TUSC3: variants seen among roughly 807,000 people sequenced by gnomAD.
The protein encoded by TUSC3 is dolichyl-diphosphooligosaccharide--protein glycosyltransferase subunit TUSC3.
In TUSC3, 45 loss-of-function variants were observed where a neutral mutation model predicts 44.8. The ratio of observed to expected loss-of-function variants is 1.00; its 90% CI spans 0.79 to 1.29. The LOEUF (loss-of-function observed/expected upper bound fraction) is 1.29, where lower values mean the gene tolerates loss of function less well. Among genes scored for constraint, TUSC3 ranks in the 50% most tolerant of loss-of-function variants. The probability of loss-of-function intolerance (pLI) is 0.00; values close to 1 mark genes in which losing one functional copy is unlikely to be tolerated. For missense variants in TUSC3, 519 were observed against 437.9 expected (o/e 1.19, Z -1.65); for synonymous variants, 212 against 152.9 (o/e 1.39, Z -2.85).
chr8:15,741,753 G>A (rs1811207938), intron 7 of TUSC3, among the ~76,000 whole-genome samples: 1 of 152,056 alleles, frequency 6.6e-6, no homozygotes, highest in Non-Finnish European at 1.5e-5. Flanking sequence ...TGAATTATTA[G>A]TTTAAATATG....
intron 1 of TUSC3, among the ~76,000 whole-genome samples, chr8:15,585,358 C>T (rs1274167431): frequency 1.3e-5 from 2 of 152,150 alleles, no homozygotes; most frequent in Non-Finnish European, 2.9e-5. Context: ...GTTTCTTATT[C>T]TGAGGTATCA....
At chr8:15,425,381 A>C (rs1053257622) in intron 1 of TUSC3, among the ~76,000 whole-genome samples, 6 of 152,230 alleles carry the variant, frequency 3.9e-5, no homozygotes, top group Admixed American at 1.3e-4. Context: ...ATGGATATGC[A>C]ACAAAGTGAC....
intron 1 of TUSC3, among the ~76,000 whole-genome samples, chr8:15,444,737 T>G (rs1232927923): frequency 6.6e-6 from 1 of 151,620 alleles, no homozygotes; most frequent in African/African-American, 2.4e-5. Context: ...GTTCTCTAAC[T>G]CAGAAATGTA....
chr8:15,603,734 G>C (rs771687714), intron 1 of TUSC3, among the ~76,000 whole-genome samples: 1 of 151,540 alleles, frequency 6.6e-6, no homozygotes, highest in Non-Finnish European at 1.5e-5. Flanking sequence ...GAATGGAATA[G>C]GAAAGTACCT....
chr8:15,563,247 T>TCAGTCA (rs1403091600), intron 1 of TUSC3, among the ~76,000 whole-genome samples: 10 of 152,076 alleles, frequency 6.6e-5, no homozygotes, highest in Admixed American at 6.5e-4. Flanking sequence ...CAGTCAGGGT[T>TCAGTCA]CAGTCACAGA....
intron 1 of TUSC3, among the ~76,000 whole-genome samples, chr8:15,427,348 C>G (rs1386071997): frequency 6.6e-6 from 1 of 151,462 alleles, no homozygotes; most frequent in Non-Finnish European, 1.5e-5. Context: ...AGGCAGCCAT[C>G]AGGTGATGGA....
At chr8:15,563,783 G>A (rs761384400) in intron 1 of TUSC3, among the ~76,000 whole-genome samples, 1 of 150,920 alleles carries the variant, frequency 6.6e-6, no homozygotes, top group Non-Finnish European at 1.5e-5. Context: ...TAAATTGCAT[G>A]ATACTGAGAA....
chr8:15,832,160 A>C, the TUSC3 span, among the ~76,000 whole-genome samples: 1 of 152,198 alleles, frequency 6.6e-6, no homozygotes, highest in Admixed American at 6.5e-5. Context: ...AAATAAAAGA[A>C]ATTCCAACCA....
chr8:15,476,087 T>A (rs930781278), intron 1 of TUSC3, among the ~76,000 whole-genome samples: 3 of 152,190 alleles, frequency 2.0e-5, no homozygotes, highest in Non-Finnish European at 4.4e-5. Context: ...TAACGTGAAC[T>A]TTTTTAACCA....
chr8:15,639,631 A>G (rs1313722561), intron 2 of TUSC3, among the ~76,000 whole-genome samples: 1 of 152,186 alleles, frequency 6.6e-6, no homozygotes, highest in Non-Finnish European at 1.5e-5. Context: ...GTCATAAATT[A>G]CAATTCATCT....
chr8:15,565,739 C>G (rs562478103), intron 1 of TUSC3, among the ~76,000 whole-genome samples: 1 of 152,012 alleles, frequency 6.6e-6, no homozygotes, highest in East Asian at 2.0e-4. Context: ...AAGTCTGATA[C>G]AAAGCTCTTT....
chr8:15,456,711 G>A (rs1310082415), intron 1 of TUSC3, among the ~76,000 whole-genome samples: 1 of 152,066 alleles, frequency 6.6e-6, no homozygotes, highest in East Asian at 1.9e-4. Flanking sequence ...GACAAAATCA[G>A]ATTCCTATCC....
chr8:15,761,264 T>C (rs185619095), intron 10 of TUSC3, among the ~76,000 whole-genome samples: 157 of 152,306 alleles, frequency 1.0e-3, no homozygotes, highest in Middle Eastern at 3.4e-3. Flanking sequence ...TTTTCTACCA[T>C]GAGGGAGTGC....
intron 2 of TUSC3, among the ~76,000 whole-genome samples, chr8:15,488,944 CT>C (rs1397555092): frequency 1.3e-5 from 2 of 152,310 alleles, no homozygotes; most frequent in East Asian, 3.9e-4. Context: ...AGTATGCTGA[CT>C]TTGACCTTCC....
At chr8:15,443,357 TGTGTGTG>T (rs1800046457) in intron 1 of TUSC3, among the ~76,000 whole-genome samples, 1 of 150,904 alleles carries the variant, frequency 6.6e-6, no homozygotes, top group Non-Finnish European at 1.5e-5. Context: ...TGTGTGTGTG[TGTGTGTG>T]TGTGTGTGTG....
At chr8:15,737,025 T>G (rs963780237) in intron 7 of TUSC3, among the ~76,000 whole-genome samples, 1 of 152,186 alleles carries the variant, frequency 6.6e-6, no homozygotes, top group Non-Finnish European at 1.5e-5. Context: ...TTTAAAATTT[T>G]TATTCTTATA....
At chr8:15,668,776 T>C (rs942247208) in intron 5 of TUSC3, among the ~76,000 whole-genome samples, 5 of 151,796 alleles carry the variant, frequency 3.3e-5, no homozygotes, top group African/African-American at 1.2e-4. Context: ...TTGTCTAGTG[T>C]CACTTTTGTC....
At chr8:15,432,351 T>G (rs897805029) in intron 1 of TUSC3, among the ~76,000 whole-genome samples, 4 of 152,180 alleles carry the variant, frequency 2.6e-5, no homozygotes, top group Admixed American at 2.0e-4. Context: ...TAGCATTTAT[T>G]TTTTGCTACT....
intron 1 of TUSC3, among the ~76,000 whole-genome samples, chr8:15,451,312 G>T (rs943962817): frequency 4.6e-5 from 7 of 152,152 alleles, no homozygotes; most frequent in Admixed American, 2.0e-4. Flanking sequence ...ATGCTAATGA[G>T]GTGATTGTGG....
Sources: allele counts gnomAD v4.1 joint callset (sites outside exome capture counted in the v4.1 genomes callset), GRCh38; gene constraint gnomAD v4.1.1; transcripts MANE v1.5; gene names NCBI Gene and HGNC (gene_info 2026-07-23, HGNC 2026-07-21).